Variants in IRGM observed in about 807,000 individuals in gnomAD.
IRGM encodes the protein immunity-related GTPase family M protein.
For missense variants in IRGM, 288 were observed against 219.9 expected (o/e 1.31, Z -1.96); for synonymous variants, 98 against 80.6 (o/e 1.22, Z -1.16).
chr5:150,858,117 G>A (rs1415299311), intron 1 of IRGM, among the ~76,000 whole-genome samples: 1 of 152,088 alleles, frequency 6.6e-6, no homozygotes, highest in East Asian at 1.9e-4. Flanking sequence ...GTGTAAGGAA[G>A]GGATCCAGTT....
At chr5:150,872,588 G>A (rs1023877215) in intron 1 of IRGM, among the ~76,000 whole-genome samples, 1 of 152,170 alleles carries the variant, frequency 6.6e-6, no homozygotes, top group African/African-American at 2.4e-5. Flanking sequence ...GCTATTAAAG[G>A]TGTGGGATAA....
intron 1 of IRGM, chr5:150,877,840 C>T: frequency 2.7e-6 from 1 of 367,900 alleles, no homozygotes; most frequent in Non-Finnish European, 5.3e-6. Context: ...TAAATAACCA[C>T]TAGGTGTTTT....
chr5:150,856,914 T>TTA (rs150421228), intron 1 of IRGM, among the ~76,000 whole-genome samples: 36 of 144,564 alleles, frequency 2.5e-4, no homozygotes, highest in African/African-American at 8.9e-4. Context: ...TAAATAAATA[T>TTA]TTATTATTTA....
chr5:150,851,508 A>G (rs1016922951), downstream of IRGM, among the ~76,000 whole-genome samples: 3 of 152,196 alleles, frequency 2.0e-5, no homozygotes, highest in Non-Finnish European at 4.4e-5. Flanking sequence ...CAACTTTATA[A>G]TAGACAAAAT....
intron 1 of IRGM, among the ~76,000 whole-genome samples, chr5:150,871,373 A>G (rs1220046353): frequency 6.6e-6 from 1 of 152,218 alleles, no homozygotes; most frequent in East Asian, 1.9e-4. Flanking sequence ...GTGTGTTTGT[A>G]TTTAAAAGGC....
downstream of IRGM, among the ~76,000 whole-genome samples, chr5:150,848,871 TC>T (rs981907616): frequency 2.0e-5 from 3 of 151,938 alleles, no homozygotes; most frequent in Non-Finnish European, 4.4e-5. Flanking sequence ...GCTTCGAAGG[TC>T]CTTTCCCTTC....
At chr5:150,885,846 C>T (rs889145856) in intron 3 of IRGM, among the ~76,000 whole-genome samples, 3 of 151,998 alleles carry the variant, frequency 2.0e-5, no homozygotes, top group East Asian at 1.9e-4. Context: ...GATATAGAAC[C>T]GTGCTATCTG....
chr5:150,854,929 A>G (rs1343689471), intron 1 of IRGM, among the ~76,000 whole-genome samples: 1 of 152,200 alleles, frequency 6.6e-6, no homozygotes, highest in African/African-American at 2.4e-5. Context: ...TTAAATGAGT[A>G]AAAACACAAT....
At chr5:150,849,092 C>T (rs1328445519), downstream of IRGM, among the ~76,000 whole-genome samples, 3 of 151,534 alleles carry the variant, frequency 2.0e-5, no homozygotes, top group Admixed American at 6.6e-5. Flanking sequence ...TCTCCAGGTT[C>T]GAACAGGCAA....
downstream of IRGM, among the ~76,000 whole-genome samples, chr5:150,850,245 G>A (rs554563817): frequency 7.2e-5 from 11 of 152,182 alleles, no homozygotes; most frequent in Non-Finnish European, 1.3e-4. Context: ...AAATATGTAT[G>A]GCAGTAAAAG....
chr5:150,848,321 T>A lies in IRGM; in HGVS notation c.198T>A (p.Thr66=), dbSNP rs1384084625. ...ATGAGGGTAAGGCCTCACCTCCTACTGAGCTGGTAAAAGCTACCCAAAGAT... is the reference window on the plus strand; with the variant it reads ...ATGAGGGTAAGGCCTCACCTCCTACAGAGCTGGTAAAAGCTACCCAAAGAT... The part of the protein sequence containing the change: ...TGHEGKASPP[T]ELVKATQRCA... The change falls in exon 2 of 2, where the codon ACT becomes ACA. Residue 66 remains threonine, a synonymous_variant. Coordinates refer to ENST00000522154, the MANE Select transcript of IRGM (RefSeq NM_001145805.2). 2.6e-6 allele frequency: 4 copies of A among 1,551,160 alleles called. No homozygotes were observed. Among genetic ancestry groups the A allele is most frequent in the Non-Finnish European group, 3.5e-6 (4 of 1,146,452 alleles).
chr5:150,864,631 A>G lies in IRGM; in HGVS notation c.159-13349A>G, dbSNP rs17111416. Among the ~76,000 whole-genome samples, 212 of 152,308 alleles carry G rather than the reference A, an allele frequency of 1.4e-3. 1 individual carries two copies. The highest frequency in any genetic ancestry group is 4.9e-3 in the African/African-American group (202 of 41,568). On this transcript the variant is annotated intron_variant and NMD_transcript_variant, in intron 1 of 3. Transcript: ENST00000520549. ...TGGGCTCTGCTTTACAGAATGGCAA[A>G]TGGCAGACAATGAGCCATGATGTCC...
Position 150,897,159 on chromosome 5 carries a change from A to G in IRGM, c.*141-3430A>G, listed in dbSNP as rs969626122. 7 of 450,182 alleles carry G rather than the reference A, an allele frequency of 1.6e-5. No homozygotes were observed. In the Admixed American group the frequency reaches 2.7e-4, roughly 18 times the overall value. The allele number at this position is 450,182 out of a possible 1,614,324, so 27.9% of individuals were successfully genotyped here. A position where few individuals can be genotyped will look rare whatever the true frequency, so the allele number is the denominator to read the frequency against. On this transcript the variant is annotated intron_variant and NMD_transcript_variant, in intron 3 of 3. Coordinates refer to the IRGM transcript ENST00000520549. The stretch of plus-strand genomic sequence containing the variant: ...GAATAGACAGACAAGAATGTTAAAC[A>G]GAAATATTCATGTAAAAACTAAACT...
chr5:150,865,073 C>T (rs989648373), intron 1 of IRGM, among the ~76,000 whole-genome samples: 2 of 152,084 alleles, frequency 1.3e-5, no homozygotes, highest in South Asian at 2.1e-4. Flanking sequence ...CTACCACATA[C>T]CCATGTAGAG....
intron 1 of IRGM, 63 bp downstream of exon 1, chr5:150,847,283 C>T (rs960217773): frequency 2.0e-5 from 3 of 152,312 alleles, no homozygotes; most frequent in Non-Finnish European, 2.9e-5. Context: ...TGTTTTATGT[C>T]CTCTGGCGCC....
At chr5:150,896,183 G>T (rs369365423) in intron 3 of IRGM, 18 of 1,613,300 alleles carry the variant, frequency 1.1e-5, no homozygotes, top group Admixed American at 1.7e-5. Flanking sequence ...TACATTCATA[G>T]GGTTTTTCCC....
intron 1 of IRGM, among the ~76,000 whole-genome samples, chr5:150,867,272 C>T (rs900072096): frequency 2.0e-5 from 3 of 152,188 alleles, no homozygotes; most frequent in African/African-American, 7.2e-5. Flanking sequence ...AGTTACTTCA[C>T]TTAGAATAAT....
chr5:150,862,540 T>C (rs779785067), intron 1 of IRGM, among the ~76,000 whole-genome samples: 4 of 152,174 alleles, frequency 2.6e-5, no homozygotes, highest in Non-Finnish European at 2.9e-5. Context: ...GGGGAAGTGA[T>C]ATGTGCTGCT....
intron 1 of IRGM, among the ~76,000 whole-genome samples, chr5:150,877,743 G>A (rs1272774037): frequency 1.3e-5 from 2 of 152,036 alleles, no homozygotes; most frequent in Non-Finnish European, 2.9e-5. Flanking sequence ...ACCCTATAGG[G>A]CAGTGACTTC....
Sources: allele counts gnomAD v4.1 joint callset (sites outside exome capture counted in the v4.1 genomes callset), GRCh38; gene constraint gnomAD v4.1.1; transcripts MANE v1.5; gene names NCBI Gene and HGNC (gene_info 2026-07-23, HGNC 2026-07-21).